Variants in DIP2B observed in about 807,000 individuals in gnomAD.
The protein encoded by DIP2B is DIP2 acetate--CoA ligase B (putative).
A neutral mutation model predicts 198.0 loss-of-function variants in DIP2B; 76 were observed. That is an observed-to-expected ratio of 0.38 (90% CI 0.32 to 0.46). The LOEUF (loss-of-function observed/expected upper bound fraction) is 0.46, where lower values mean the gene tolerates loss of function less well. DIP2B is among the 20% of genes least tolerant of loss of function. DIP2B has a pLI of 0.99. For missense variants in DIP2B, 1,559 were observed against 1,978.4 expected (o/e 0.79, Z 4.02); for synonymous variants, 701 against 739.1 (o/e 0.95, Z 0.84).
rs530602857 is a variant in DIP2B at position 50,583,552 on chromosome 12, A to G, written c.101-42424A>G. ...TCCCGATGTAGGATTTTTTGACTTT[A>G]CGAAGGTGTGGAAGTGATACAAATT... On this transcript the variant is annotated intron_variant, in intron 1 of 37. Coordinates refer to ENST00000301180, the MANE Select transcript of DIP2B (RefSeq NM_173602.3). Among the ~76,000 whole-genome samples the G allele has an allele frequency of 2.0e-5, 3 of 152,222 alleles. No homozygotes were observed. In the South Asian group the frequency reaches 6.2e-4, roughly 32 times the overall value.
intron 1 of DIP2B, among the ~76,000 whole-genome samples, chr12:50,613,760 A>G (rs1468827034): frequency 6.6e-6 from 1 of 152,148 alleles, no homozygotes; most frequent in Non-Finnish European, 1.5e-5. Flanking sequence ...CCTGGCCCTA[A>G]CCACTGACAA....
At chr12:50,590,024 G>A (rs1958805521) in intron 1 of DIP2B, among the ~76,000 whole-genome samples, 1 of 151,848 alleles carries the variant, frequency 6.6e-6, no homozygotes, top group Non-Finnish European at 1.5e-5. Context: ...CTCTGAGATA[G>A]TATCTTACTT....
chr12:50,748,030 T>C lies in DIP2B; in HGVS notation c.*3191T>C, dbSNP rs1940363543. Reference sequence around the variant, plus strand: ...GCTGTTTAGGGACCATTGCCTGTCTTGGTCACATGAGTCTGTCTCCTTACT... The same window carrying C: ...GCTGTTTAGGGACCATTGCCTGTCTCGGTCACATGAGTCTGTCTCCTTACT... On this transcript the variant is annotated 3_prime_UTR_variant, in exon 38 of 38. Coordinates refer to ENST00000301180, the MANE Select transcript of DIP2B (RefSeq NM_173602.3). 6.5e-6 allele frequency: 1 copy of C among 152,676 alleles called. No homozygotes were observed. The highest frequency in any genetic ancestry group is 6.5e-5 in the Admixed American group (1 of 15,286). 9.5% of individuals were successfully genotyped at this position (152,676 alleles called of 1,614,324 possible).
At chr12:50,593,596 C>T (rs1958838494) in intron 1 of DIP2B, among the ~76,000 whole-genome samples, 1 of 151,098 alleles carries the variant, frequency 6.6e-6, no homozygotes. Flanking sequence ...TGAGAAAGAG[C>T]CCATCAGAGA....
chr12:50,679,553 C>T (rs752903022), intron 8 of DIP2B: 2 of 152,104 alleles, frequency 1.3e-5, no homozygotes, highest in Non-Finnish European at 2.9e-5. Context: ...TGTAAAATAA[C>T]GTAGCTATTT....
intron 1 of DIP2B, among the ~76,000 whole-genome samples, chr12:50,607,452 G>A (rs1958993215): frequency 6.6e-6 from 1 of 152,162 alleles, no homozygotes; most frequent in Admixed American, 6.5e-5. Context: ...AAATTTTGAA[G>A]ATAATCTCAT....
chr12:50,704,133 C>T lies in DIP2B; in HGVS notation c.2326-7C>T, dbSNP rs758994756. The T allele has an allele frequency of 6.2e-7, 1 of 1,603,390 alleles. No individual in the cohort carries two copies. Among genetic ancestry groups the T allele is most frequent in the Non-Finnish European group, 8.5e-7 (1 of 1,177,764 alleles). ...AAGTTTTTCACTTACTTCATTTTGT[C>T]TCTTAGGTAATTCCAGTGAATTCTG... is the stretch of plus-strand genomic sequence containing the variant. On this transcript the variant is annotated splice_region_variant and splice_polypyrimidine_tract_variant and intron_variant, in intron 19 of 37. Coordinates refer to ENST00000301180, the MANE Select transcript of DIP2B (RefSeq NM_173602.3).
At chr12:50,628,844 C>A (rs1276615844) in intron 2 of DIP2B, among the ~76,000 whole-genome samples, 2 of 152,112 alleles carry the variant, frequency 1.3e-5, no homozygotes, top group Non-Finnish European at 2.9e-5. Context: ...TCTCAAAACT[C>A]TTATTTTGAA....
chr12:50,680,219 C>G (rs1939014321), intron 8 of DIP2B: 1 of 143,854 alleles, frequency 7.0e-6, no homozygotes, highest in African/African-American at 2.6e-5. Flanking sequence ...GAGATTGCAC[C>G]ACTGCACTCC....
At chr12:50,585,732 G>A (rs1047226462) in intron 1 of DIP2B, among the ~76,000 whole-genome samples, 4 of 152,140 alleles carry the variant, frequency 2.6e-5, no homozygotes, top group East Asian at 3.9e-4. Flanking sequence ...AGGTATAGAC[G>A]TGATCTAATT....
chr12:50,694,252 T>G (rs1939267682), intron 14 of DIP2B, among the ~76,000 whole-genome samples: 1 of 152,064 alleles, frequency 6.6e-6, no homozygotes, highest in Non-Finnish European at 1.5e-5. Flanking sequence ...TCCCAGCACT[T>G]TGAGAGGCCA....
At chr12:50,518,419 T>G (rs1039454844) in intron 1 of DIP2B, among the ~76,000 whole-genome samples, 2 of 152,120 alleles carry the variant, frequency 1.3e-5, no homozygotes, top group Admixed American at 6.6e-5. Context: ...AGATGGACTT[T>G]CACCATGTTG....
At chr12:50,517,547 T>C (rs546091949) in intron 1 of DIP2B, among the ~76,000 whole-genome samples, 1 of 152,326 alleles carries the variant, frequency 6.6e-6, no homozygotes, top group East Asian at 1.9e-4. Context: ...ACCCTGTCAC[T>C]GATTGATCAT....
chr12:50,541,795 A>T (rs917916633), intron 1 of DIP2B, among the ~76,000 whole-genome samples: 2 of 141,932 alleles, frequency 1.4e-5, no homozygotes, highest in African/African-American at 2.7e-5. Flanking sequence ...TGAGGCCGGG[A>T]ATTGGAGACC....
intron 17 of DIP2B, 138 bp downstream of exon 17, chr12:50,697,313 C>T (rs948401508): frequency 1.4e-5 from 10 of 711,394 alleles, no homozygotes; most frequent in Admixed American, 1.3e-4. Context: ...CACTCTTGCT[C>T]AAAGTGTATG....
chr12:50,713,208 A>G (rs1214189496), intron 22 of DIP2B, among the ~76,000 whole-genome samples: 1 of 152,180 alleles, frequency 6.6e-6, no homozygotes, highest in Non-Finnish European at 1.5e-5. Context: ...TTGGCCTCCC[A>G]AAGTGCTGAG....
At chr12:50,564,210 C>T (rs931476774) in intron 1 of DIP2B, among the ~76,000 whole-genome samples, 3 of 151,838 alleles carry the variant, frequency 2.0e-5, no homozygotes, top group Non-Finnish European at 2.9e-5. Context: ...TGTGTATATA[C>T]CTAGTTCTTT....
chr12:50,661,049 T>C (rs540292830), intron 4 of DIP2B, among the ~76,000 whole-genome samples: 4 of 152,052 alleles, frequency 2.6e-5, no homozygotes, highest in Non-Finnish European at 5.9e-5. Flanking sequence ...AGTTGTCTTG[T>C]CTGTTCAGAA....
At position 50,739,507 on chromosome 12, in the gene DIP2B, A is replaced by G; in HGVS notation, c.4275A>G (p.Gly1425=). The change falls in exon 36 of 38, where the codon GGA becomes GGG. Residue 1425 remains glycine (G), a synonymous_variant. Transcript: ENST00000301180. ...ADHFNTRLSF[G]DAAQTLWART... ...ATTTCAACACTCGCCTCAGCTTTGGAGATGCAGCTCAGACACTCTGGGCTC... is the reference window on the plus strand; with the variant it reads ...ATTTCAACACTCGCCTCAGCTTTGGGGATGCAGCTCAGACACTCTGGGCTC... 1 of 1,614,120 alleles carries G rather than the reference A, an allele frequency of 6.2e-7. No homozygotes were observed. The highest frequency in any genetic ancestry group is 8.5e-7 in the Non-Finnish European group (1 of 1,180,020).
Sources: allele counts gnomAD v4.1 joint callset (sites outside exome capture counted in the v4.1 genomes callset), GRCh38; gene constraint gnomAD v4.1.1; transcripts MANE v1.5; gene names NCBI Gene and HGNC (gene_info 2026-07-23, HGNC 2026-07-21).